Variants in KRI1 observed in about 807,000 individuals in gnomAD.
KRI1 encodes the protein KRI1 homolog, also known as protein KRI1 homolog.
KRI1 carries 83 observed loss-of-function variants against 97.0 expected under a neutral mutation model. That is an observed-to-expected ratio of 0.86 (90% CI 0.72 to 1.03). KRI1 has a LOEUF of 1.03. KRI1 is among the 50% of genes least tolerant of loss of function. The probability of loss-of-function intolerance (pLI) is 0.00; values close to 1 mark genes in which losing one functional copy is unlikely to be tolerated. For missense variants in KRI1, 916 were observed against 928.4 expected, an observed-to-expected ratio of 0.99 and a Z score of 0.17; for synonymous variants, 371 against 363.5, an observed-to-expected ratio of 1.02 and a Z score of -0.23.
chr19:10,563,466 C>G (rs1043307811), intron 3 of KRI1, among the ~76,000 whole-genome samples: 1 of 151,948 alleles, frequency 6.6e-6, no homozygotes, highest in African/African-American at 2.4e-5. Context: ...CTGCCTCAGC[C>G]TCCTGAGTAG....
intron 8 of KRI1, 69 bp from the exon 9 acceptor site, chr19:10,560,517 A>G (rs1307455869): frequency 1.4e-5 from 17 of 1,174,490 alleles, no homozygotes; most frequent in Non-Finnish European, 2.0e-5. Flanking sequence ...TGCTCACCAC[A>G]TGGACCTCAC....
intron 2 of KRI1, chr19:10,565,364 G>T (rs1033100933): frequency 1.5e-5 from 8 of 528,294 alleles, no homozygotes; most frequent in Non-Finnish European, 2.7e-5. Flanking sequence ...AGTGGGGCCA[G>T]GATCAGGGCT....
chr19:10,562,229 T>A (rs1916724118), intron 4 of KRI1, among the ~76,000 whole-genome samples: 1 of 151,988 alleles, frequency 6.6e-6, no homozygotes, highest in Non-Finnish European at 1.5e-5. Flanking sequence ...TTTGTATTTT[T>A]AGTAGAGACG....
In KRI1 at chr19:10,553,394, G is replaced by C. The variant is rs959773050; in HGVS notation, c.*557C>G. On this transcript the variant is annotated 3_prime_UTR_variant, in exon 19 of 19. Transcript: ENST00000312962. ...CCCTTGGGGGAACTGTGGCTGCTGG[G>C]GGCCAATAAAGCTGTGTAACTTGAT... 11 of 268,270 alleles carry C rather than the reference G, an allele frequency of 4.1e-5. No homozygotes were observed. Among genetic ancestry groups the C allele is most frequent in the Non-Finnish European group, 7.9e-5 (11 of 139,988 alleles). The allele number at this position is 268,270 out of a possible 1,614,324, so 16.6% of individuals were successfully genotyped here. A position where few individuals can be genotyped will look rare whatever the true frequency, so the allele number is the denominator to read the frequency against.
At chr19:10,564,454 C>G (rs1412183761) in intron 3 of KRI1, among the ~76,000 whole-genome samples, 1 of 128,466 alleles carries the variant, frequency 7.8e-6, no homozygotes, top group Non-Finnish European at 1.8e-5. Context: ...GAGTGAAACT[C>G]CATTTCAAAA....
At position 10,565,969 on chromosome 19, in the gene KRI1, G is replaced by T; in HGVS notation, c.31C>A (p.Arg11=). 2.0e-6 allele frequency: 3 copies of T among 1,526,280 alleles called. No individual in the cohort carries two copies. The highest frequency in any genetic ancestry group is 2.6e-6 in the Non-Finnish European group (3 of 1,140,448). The allele number at this position is 1,526,280 out of a possible 1,614,324, so 94.5% of individuals were successfully genotyped here. A position where few individuals can be genotyped will look rare whatever the true frequency, so the allele number is the denominator to read the frequency against. Residue 11 remains arginine, a synonymous_variant, in exon 1 of 19, where the codon CGG becomes AGG. Transcript: ENST00000312962. The part of the protein sequence containing the change: MPEPRGSSQL[R]VNAAFAARYN... ...CGCGCGGCAAACGCCGCGTTCACCCGCAGCTGCGACGACCCGCGCGGTTCC... is the reference window on the plus strand; with the variant it reads ...CGCGCGGCAAACGCCGCGTTCACCCTCAGCTGCGACGACCCGCGCGGTTCC...
At position 10,557,907 on chromosome 19, in the gene KRI1, C is replaced by T. The variant is rs562697400; in HGVS notation, c.1360-12G>A. ...TAGTCGGCGTCCATCTGCCAGGACG[C>T]ACAGGTCAGATCCCACCAGCCCCCC... On this transcript the variant is annotated splice_polypyrimidine_tract_variant and intron_variant, in intron 14 of 18. Coordinates refer to ENST00000312962, the MANE Select transcript of KRI1 (RefSeq NM_023008.5). The T allele has an allele frequency of 6.2e-7, 1 of 1,613,692 alleles. No individual in the cohort carries two copies. The highest frequency in any genetic ancestry group is 1.1e-5 in the South Asian group (1 of 91,070).
intron 8 of KRI1, 108 bp from the exon 9 acceptor site, chr19:10,560,556 C>G: frequency 1.3e-6 from 1 of 794,610 alleles, no homozygotes; most frequent in Non-Finnish European, 2.0e-6. Flanking sequence ...GTGACATTAG[C>G]CCCATTTTGG....
intron 1 of KRI1, 26 bp downstream of exon 1, chr19:10,565,880 C>T (rs1916859017): frequency 2.6e-6 from 4 of 1,533,668 alleles, no homozygotes; most frequent in East Asian, 2.5e-5. Flanking sequence ...CGCGCAGGCT[C>T]CCGCGCGCAT....
chr19:10,565,764 T>A lies in KRI1; in HGVS notation c.121A>T (p.Ser41Cys), dbSNP rs1916849765. 1 of 1,579,832 alleles carries A rather than the reference T, an allele frequency of 6.3e-7. No individual in the cohort carries two copies. The highest frequency in any genetic ancestry group is 8.6e-7 in the Non-Finnish European group (1 of 1,163,698). ...GACTCGGAGCTGGAGTCGCTGCTGC[T>A]GTCTCGGTCCCCGTAGCGATCCTTC... ...RLKDRYGDRD[S>C]SSDSSSESDS... Residue 41 changes from serine to cysteine, a missense_variant, in exon 2 of 19, where the codon AGC becomes TGC. This residue lies in a region of KRI1 where 173 missense variants were observed against 153.1 expected (regional missense o/e 1.13). Coordinates refer to ENST00000312962, the MANE Select transcript of KRI1 (RefSeq NM_023008.5).
chr19:10,561,881 T>TC, intron 4 of KRI1, 36 bp from the exon 5 acceptor site: 1 of 1,600,980 alleles, frequency 6.2e-7, no homozygotes, highest in Non-Finnish European at 8.6e-7. Flanking sequence ...GAATATATCT[T>TC]CCAGGGCCCG....
Position 10,565,805 on chromosome 19 carries a change from C to T in KRI1, c.95-15G>A, listed in dbSNP as rs1447555633. ...GCGATCCTTCACTGCGGGACACAGA[C>T]GGGATGCCCCCCCCCAGGTCAGCCG... On this transcript the variant is annotated splice_polypyrimidine_tract_variant and intron_variant, in intron 1 of 18. Coordinates refer to ENST00000312962, the MANE Select transcript of KRI1 (RefSeq NM_023008.5). 2.6e-6 allele frequency: 4 copies of T among 1,509,788 alleles called. No homozygotes were observed. The highest frequency in any genetic ancestry group is 1.2e-5 in the South Asian group (1 of 83,984). The allele number at this position is 1,509,788 out of a possible 1,614,324, so 93.5% of individuals were successfully genotyped here.
chr19:10,553,344 C>T lies in KRI1; in HGVS notation c.*607G>A. 2.8e-6 allele frequency: 1 copy of T among 354,674 alleles called. No homozygotes were observed. Among genetic ancestry groups the T allele is most frequent in the Non-Finnish European group, 5.2e-6 (1 of 193,094 alleles). 22.0% of individuals were successfully genotyped at this position (354,674 alleles called of 1,614,324 possible). ...CACGTACTGTAGTTTGCACTGGACG[C>T]CCGGGCCCTCCCTGTCCCAAAGCCC... is the stretch of plus-strand genomic sequence containing the variant. On this transcript the variant is annotated 3_prime_UTR_variant, in exon 19 of 19. Transcript: ENST00000312962.
chr19:10,561,711 T>C lies in KRI1; in HGVS notation c.444A>G (p.Thr148=). ...GETSNHRLQE[T]SSQSYVEEQK... is the part of the protein sequence containing the mutation. ...GTTCCTCCACATAACTTTGCGACGA[T>C]GTCTCCTGCAGAGAGGGCCATAGGT... The change falls in exon 6 of 19, where the codon ACA becomes ACG. Residue 148 remains threonine (T), a synonymous_variant. Transcript: ENST00000312962. The C allele has an allele frequency of 1.2e-6, 2 of 1,614,084 alleles. No homozygotes were observed. Among genetic ancestry groups the C allele is most frequent in the East Asian group, 2.2e-5 (1 of 44,874 alleles).
Position 10,561,022 on chromosome 19 carries a change from G to C in KRI1, c.644C>G (p.Pro215Arg). Residue 215 changes from proline (P) to arginine (R), a missense_variant, in exon 8 of 19, where the codon CCA (proline) becomes CGA (arginine). Coordinates refer to ENST00000312962, the MANE Select transcript of KRI1 (RefSeq NM_023008.5). The part of the protein sequence containing the change: ...WLKGQKEIRN[P>R]DSLKELTHLK... ...ACTCACCAGTTCCTTCAGGGAATCT[G>C]GGTTCCGAATCTCTTTCTGTCCCTT... 6.2e-7 allele frequency: 1 copy of C among 1,614,010 alleles called. No individual in the cohort carries two copies. Among genetic ancestry groups the C allele is most frequent in the Non-Finnish European group, 8.5e-7 (1 of 1,179,888 alleles).
chr19:10,557,933 G>A (rs775840986), intron 14 of KRI1, 38 bp from the exon 15 acceptor site: 7 of 1,613,612 alleles, frequency 4.3e-6, no homozygotes, highest in East Asian at 4.5e-5. Context: ...CCAGCCCCCC[G>A]TCAGGGCCCC....
chr19:10,565,179 GGA>G (rs1916824981), intron 2 of KRI1, 145 bp from the exon 3 acceptor site: 2 of 671,290 alleles, frequency 3.0e-6, no homozygotes, highest in Non-Finnish European at 5.3e-6. Context: ...ACAGCAGGAG[GGA>G]GAGGGGCCCT....
At position 10,559,952 on chromosome 19, in the gene KRI1, T is replaced by C. The variant is rs1187424791; in HGVS notation, c.801-16A>G. On this transcript the variant is annotated splice_polypyrimidine_tract_variant and intron_variant, in intron 9 of 18. Transcript: ENST00000312962. ...ACCGTGGACCCTGAGGGGCAAGATG[T>C]GGTGATGCCAGGGGGCCAGCCAAGT... 6.2e-7 allele frequency: 1 copy of C among 1,607,448 alleles called. No individual in the cohort carries two copies. The highest frequency in any genetic ancestry group is 1.7e-5 in the Admixed American group (1 of 59,936).
chr19:10,565,389 G>A (rs1444395245), intron 2 of KRI1: 1 of 509,966 alleles, frequency 2.0e-6, no homozygotes, highest in South Asian at 2.5e-5. Context: ...TGAGAAGTTG[G>A]GCGCCCCACG....
Sources: gnomAD v4.1 joint callset for allele counts (sites outside exome capture counted in the v4.1 genomes callset) on GRCh38, gnomAD v4.1.1 for gene constraint, gnomAD v4.1.1 regional missense constraint, MANE v1.5 for transcripts, NCBI Gene and HGNC (gene_info 2026-07-23, HGNC 2026-07-21) for gene names.